The following PSORS1C1 variants were observed in gnomAD, a reference collection of about 807,000 sequenced individuals.
PSORS1C1 encodes the protein psoriasis susceptibility 1 candidate 1.
A neutral mutation model predicts 9.4 loss-of-function variants in PSORS1C1; 7 were observed. The observed-to-expected ratio is 0.75, with a 90% confidence interval of 0.42 to 1.40. The LOEUF (loss-of-function observed/expected upper bound fraction) is 1.40. PSORS1C1 is among the 40% of genes most tolerant of loss of function. The probability of loss-of-function intolerance (pLI) is 0.01; values close to 1 mark genes in which losing one functional copy is unlikely to be tolerated. For missense variants in PSORS1C1, 146 were observed against 178.1 expected, an observed-to-expected ratio of 0.82 and a Z score of 1.02; for synonymous variants, 63 against 69.4, an observed-to-expected ratio of 0.91 and a Z score of 0.46.
At chr6:31,126,637 C>A (rs1772692433) in intron 2 of PSORS1C1, among the ~76,000 whole-genome samples, 1 of 152,210 alleles carries the variant, frequency 6.6e-6, no homozygotes, top group Non-Finnish European at 1.5e-5. Flanking sequence ...AGCAGCCCTG[C>A]CAGCCTCCGA....
chr6:31,131,596 T>TAAAAA (rs1363917312), intron 3 of PSORS1C1, among the ~76,000 whole-genome samples: 1 of 26,426 alleles, frequency 3.8e-5, no homozygotes. Flanking sequence ...AGACTCCGTC[T>TAAAAA]CAAAAAAAAA....
At chr6:31,134,941 T>C (rs557429166) in intron 3 of PSORS1C1, among the ~76,000 whole-genome samples, 120 of 151,408 alleles carry the variant, frequency 7.9e-4, no homozygotes, top group Non-Finnish European at 1.4e-3. Context: ...CTCAGCCTCC[T>C]GAGTAGCTGG....
rs111892391 is a variant in PSORS1C1 at position 31,138,746 on chromosome 6, G to A, written c.134G>A (p.Arg45Gln). The A allele has an allele frequency of 7.4e-4, 1,195 of 1,613,990 alleles. 11 individuals are homozygous for A. In the African/African-American group the frequency reaches 0.014, roughly 18 times the overall value. Reference protein sequence around the residue: ...ETRPPHVNPDRLCHMEPANHF... With the variant: ...ETRPPHVNPDQLCHMEPANHF... Reference sequence around the variant, plus strand: ...CGTCCCCCCCACGTTAATCCTGACCGACTTTGCCACATGGAGCCAGCAAAC... The same window carrying A: ...CGTCCCCCCCACGTTAATCCTGACCAACTTTGCCACATGGAGCCAGCAAAC... Residue 45 changes from arginine to glutamine, a missense_variant, in exon 5 of 6, where the codon CGA becomes CAA. Physicochemically the swap from Arg to Gln is conservative, Grantham distance 43 (BLOSUM62 1). Coordinates refer to ENST00000259881, the MANE Select transcript of PSORS1C1 (RefSeq NM_014068.3).
At chr6:31,126,749 T>C (rs990724158) in intron 2 of PSORS1C1, among the ~76,000 whole-genome samples, 1 of 152,126 alleles carries the variant, frequency 6.6e-6, no homozygotes, top group Non-Finnish European at 1.5e-5. Context: ...ATTTGGCAAG[T>C]GGGGTTCTGC....
intron 3 of PSORS1C1, among the ~76,000 whole-genome samples, chr6:31,134,034 A>C (rs530584941): frequency 3.6e-4 from 55 of 152,254 alleles, no homozygotes; most frequent in African/African-American, 1.3e-3. Flanking sequence ...GCTGCAGTGC[A>C]GTGGCACGAT....
intron 1 of PSORS1C1, among the ~76,000 whole-genome samples, chr6:31,123,062 C>T (rs1346550588): frequency 6.6e-6 from 1 of 152,222 alleles, no homozygotes; most frequent in Non-Finnish European, 1.5e-5. Flanking sequence ...TTTTCTTTGT[C>T]ACATTCCTCC....
At chr6:31,138,317 G>A (rs753780711) in intron 3 of PSORS1C1, 113 bp from the exon 4 acceptor site, 20 of 1,605,488 alleles carry the variant, frequency 1.2e-5, no homozygotes, top group Admixed American at 3.4e-5. Context: ...CTGTAAAGGA[G>A]GAAGGAGAAA....
chr6:31,129,583 G>A lies in PSORS1C1; in HGVS notation c.-50G>A, dbSNP rs759228935. Reference sequence around the variant, plus strand: ...TGCCATGTCAGCCTGGGAAGAATTGGTTTGCAGCCAGGCAGTCCTCCATCC... The same window carrying A: ...TGCCATGTCAGCCTGGGAAGAATTGATTTGCAGCCAGGCAGTCCTCCATCC... On this transcript the variant is annotated 5_prime_UTR_variant, in exon 3 of 6. It introduces an in-frame stop codon into an upstream open reading frame of the 5' UTR. Transcript: ENST00000259881. The A allele has an allele frequency of 3.9e-6, 3 of 779,094 alleles. No individual in the cohort carries two copies. The highest frequency in any genetic ancestry group is 2.4e-5 in the East Asian group (1 of 41,204). The allele number at this position is 779,094 out of a possible 1,614,324, so 48.3% of individuals were successfully genotyped here.
Position 31,139,038 on chromosome 6 carries a change from G to A in PSORS1C1, c.167+259G>A, listed in dbSNP as rs1295749637. The A allele has an allele frequency of 2.5e-6, 4 of 1,613,706 alleles. No homozygotes were observed. In the African/African-American group the frequency reaches 4.0e-5, roughly 16 times the overall value. ...CAGTTGAGGATCATGGCTATGTACT[G>A]GCCCCCAAAGCTGGGGTGGGCTGAG... On this transcript the variant is annotated intron_variant, in intron 5 of 5. Transcript: ENST00000259881. This position sits in a 1 kb window ranked among gnomAD's most constrained non-coding sequence, Gnocchi z 5.2.
chr6:31,123,420 A>G (rs3130999), intron 1 of PSORS1C1, among the ~76,000 whole-genome samples: 71,320 of 152,164 alleles, frequency 0.47, 18,175 homozygotes, highest in African/African-American at 0.68. Flanking sequence ...GGAGGGAAGA[A>G]AAGGGCATCA....
rs1317420495 is a variant in PSORS1C1, at chr6:31,115,273, G to C, written c.-229+382G>C. On this transcript the variant is annotated intron_variant, in intron 1 of 5. Transcript: ENST00000259881. This position sits in a 1 kb window ranked among gnomAD's most constrained non-coding sequence, Gnocchi z 4.2. ...CAAGAAGGCAAAAAGTCTGCACCTAGTCCCCACAGTTTACTGAGCCATCTG... is the reference window on the plus strand; with the variant it reads ...CAAGAAGGCAAAAAGTCTGCACCTACTCCCCACAGTTTACTGAGCCATCTG... 2 of 228,540 alleles carry C rather than the reference G, an allele frequency of 8.8e-6. No homozygotes were observed. The highest frequency in any genetic ancestry group is 4.6e-5 in the African/African-American group (2 of 43,362). 14.2% of individuals were successfully genotyped at this position (228,540 alleles called of 1,614,324 possible). A position where few individuals can be genotyped will look rare whatever the true frequency, so the allele number is the denominator to read the frequency against.
At chr6:31,122,663 C>T (rs1173703587) in intron 1 of PSORS1C1, among the ~76,000 whole-genome samples, 5 of 152,128 alleles carry the variant, frequency 3.3e-5, no homozygotes, top group African/African-American at 1.2e-4. Context: ...CCTGTAATCC[C>T]TGCTACTCGG....
At chr6:31,127,381 A>G (rs1772725243) in intron 2 of PSORS1C1, among the ~76,000 whole-genome samples, 1 of 151,970 alleles carries the variant, frequency 6.6e-6, no homozygotes, top group South Asian at 2.1e-4. Flanking sequence ...GTGACCAGGA[A>G]ACACAGACTC....
At chr6:31,137,427 C>T (rs1405368054) in intron 3 of PSORS1C1, 1 of 152,464 alleles carries the variant, frequency 6.6e-6, no homozygotes, top group Non-Finnish European at 1.5e-5. Flanking sequence ...GTACTCCAGC[C>T]TGGGCGACAG....
chr6:31,135,967 T>C (rs1773120361), intron 3 of PSORS1C1, among the ~76,000 whole-genome samples: 1 of 152,192 alleles, frequency 6.6e-6, no homozygotes, highest in Non-Finnish European at 1.5e-5. Flanking sequence ...GATAGGAGGA[T>C]TGCTTGAGCC....
chr6:31,116,810 G>T (rs1357283637), intron 1 of PSORS1C1: 1 of 1,613,862 alleles, frequency 6.2e-7, no homozygotes, highest in Non-Finnish European at 8.5e-7. Context: ...GGGGGACCTT[G>T]AACCACTCCA....
intron 2 of PSORS1C1, among the ~76,000 whole-genome samples, chr6:31,127,607 G>A (rs945253855): frequency 2.8e-5 from 2 of 72,506 alleles, no homozygotes; most frequent in Admixed American, 1.6e-4. Context: ...ATGGAGTTTC[G>A]CTCGTAGCCC....
intron 3 of PSORS1C1, among the ~76,000 whole-genome samples, chr6:31,134,627 G>C (rs923584894): frequency 6.6e-6 from 1 of 151,534 alleles, no homozygotes; most frequent in Non-Finnish European, 1.5e-5. Context: ...TTTTTAATGA[G>C]AGTTACCACA....
In PSORS1C1 at chr6:31,139,841, T is replaced by C. The variant is rs1773355758; in HGVS notation, c.368T>C (p.Ile123Thr). Residue 123 changes from isoleucine (I) to threonine (T), a missense_variant, in exon 6 of 6, where the codon ATC becomes ACC. Physicochemically the swap from Ile to Thr is moderately conservative, Grantham distance 89 (BLOSUM62 -1). Coordinates refer to ENST00000259881, the MANE Select transcript of PSORS1C1 (RefSeq NM_014068.3). The surrounding 1 kb of genome is among the most constrained non-coding windows in gnomAD (Gnocchi z 5.2). ...CAGCCCCTTCCTCCTCCCTCAGGAATCCACCTATCCGCCTCTAGGACCTTG... is the reference window on the plus strand; with the variant it reads ...CAGCCCCTTCCTCCTCCCTCAGGAACCCACCTATCCGCCTCTAGGACCTTG... ...QPQPLPPPSGIHLSASRTLAP... is the reference protein window; with the variant it reads ...QPQPLPPPSGTHLSASRTLAP... The C allele has an allele frequency of 6.2e-7, 1 of 1,612,944 alleles. No homozygotes were observed. The highest frequency in any genetic ancestry group is 1.3e-5 in the African/African-American group (1 of 74,892).
Sources: allele counts gnomAD v4.1 joint callset (sites outside exome capture counted in the v4.1 genomes callset), GRCh38; gene constraint gnomAD v4.1.1; non-coding constraint Gnocchi (gnomAD v3.1); transcripts MANE v1.5; gene names NCBI Gene and HGNC (gene_info 2026-07-23, HGNC 2026-07-21).